The following PSD3 variants were observed in gnomAD, a reference collection of about 807,000 sequenced individuals.
PSD3 encodes pleckstrin and Sec7 domain containing 3, also known as PH and SEC7 domain-containing protein 3.
PSD3 carries 49 observed loss-of-function variants against 105.5 expected under a neutral mutation model. The observed-to-expected ratio is 0.46, with a 90% CI of 0.37 to 0.59. PSD3 has a LOEUF of 0.59. PSD3 is among the 20% of genes least tolerant of loss of function. The pLI is 0.00. For missense variants in PSD3, 1,561 were observed against 1,263.8 expected, an observed-to-expected ratio of 1.24 and a Z score of -3.57; for synonymous variants, 557 against 457.8, an observed-to-expected ratio of 1.22 and a Z score of -2.77.
intron 1 of PSD3, among the ~76,000 whole-genome samples, chr8:19,010,975 A>C (rs1826924394): frequency 6.6e-6 from 1 of 151,414 alleles, no homozygotes; most frequent in African/African-American, 2.4e-5. Context: ...CTAGATCCCC[A>C]GCCTCCTATA....
At chr8:18,770,935 G>T (rs548122394) in intron 8 of PSD3, among the ~76,000 whole-genome samples, 1 of 152,186 alleles carries the variant, frequency 6.6e-6, no homozygotes, top group Admixed American at 6.5e-5. Context: ...TTTTATTGCC[G>T]ATGGAAGTGG....
intron 10 of PSD3, among the ~76,000 whole-genome samples, chr8:18,640,073 T>C (rs1328024323): frequency 6.6e-6 from 1 of 152,128 alleles, no homozygotes; most frequent in African/African-American, 2.4e-5. Context: ...CCATTCACTT[T>C]CAAAAAACAG....
At chr8:18,754,450 A>T (rs1436796852) in intron 9 of PSD3, among the ~76,000 whole-genome samples, 1 of 152,194 alleles carries the variant, frequency 6.6e-6, no homozygotes, top group Non-Finnish European at 1.5e-5. Context: ...GTGTTCTATT[A>T]AATTCATCTT....
At chr8:18,605,770 C>T (rs1301917623) in intron 11 of PSD3, among the ~76,000 whole-genome samples, 4 of 152,134 alleles carry the variant, frequency 2.6e-5, no homozygotes, top group Non-Finnish European at 5.9e-5. Context: ...CTCCTTGGTG[C>T]TGTTCTCATG....
rs116526707 is a variant in PSD3 at position 18,596,178 on chromosome 8, A to T, written c.2481+4186T>A. On this transcript the variant is annotated intron_variant, in intron 12 of 15. Coordinates refer to ENST00000327040, the MANE Select transcript of PSD3 (RefSeq NM_015310.4). ...TCAATGGGTCAAAAAAAAATCAAAA[A>T]GGAAATTGGACAATAATTTGAGACC... 4.2e-3 allele frequency among the ~76,000 whole-genome samples: 644 copies of T among 152,204 alleles called. 6 individuals are homozygous for T. Among genetic ancestry groups the T allele is most frequent in the African/African-American group, 0.015 (612 of 41,566 alleles).
At chr8:18,596,034 G>C (rs1260461562) in intron 12 of PSD3, among the ~76,000 whole-genome samples, 1 of 151,880 alleles carries the variant, frequency 6.6e-6, no homozygotes, top group African/African-American at 2.4e-5. Context: ...AATTTAAGAA[G>C]ACTGAAATAA....
chr8:18,782,808 G>T (rs1191972498), intron 8 of PSD3, among the ~76,000 whole-genome samples: 1 of 152,182 alleles, frequency 6.6e-6, no homozygotes, highest in Non-Finnish European at 1.5e-5. Flanking sequence ...GGTACAAAGG[G>T]CCTAGTGGCC....
At position 18,981,236 on chromosome 8, in the gene PSD3, A is replaced by G. The variant is rs139292015; in HGVS notation, c.21+32327T>C. Among the ~76,000 whole-genome samples, 16 of 152,332 alleles carry G rather than the reference A, an allele frequency of 1.1e-4. No individual in the cohort carries two copies. The East Asian group carries it at 2.5e-3, about 24-fold the overall frequency. On this transcript the variant is annotated intron_variant, in intron 1 of 15. Transcript: ENST00000327040. The stretch of plus-strand genomic sequence containing the variant: ...TGTTGAATGAACAGATGAATGAAAT[A>G]TAGTGGTTTCAAGACATGTAAAAAT...
At chr8:18,853,781 G>A (rs897741215) in intron 4 of PSD3, among the ~76,000 whole-genome samples, 4 of 152,142 alleles carry the variant, frequency 2.6e-5, no homozygotes, top group Non-Finnish European at 4.4e-5. Flanking sequence ...GTTTCACAAA[G>A]GGTAGCTGGA....
At chr8:18,874,308 C>G (rs1817591500) in intron 2 of PSD3, among the ~76,000 whole-genome samples, 1 of 151,748 alleles carries the variant, frequency 6.6e-6, no homozygotes, top group Admixed American at 6.6e-5. Context: ...ACTACAGGTG[C>G]GTGCCACCAT....
intron 9 of PSD3, among the ~76,000 whole-genome samples, chr8:18,666,563 AAACT>A (rs1319368011): frequency 2.0e-5 from 3 of 152,364 alleles, no homozygotes; most frequent in South Asian, 2.1e-4. Flanking sequence ...ATCAAAAAAC[AAACT>A]AAGAGTTACA....
At chr8:18,669,821 C>CAGTAA (rs1799678700) in intron 9 of PSD3, among the ~76,000 whole-genome samples, 1 of 152,278 alleles carries the variant, frequency 6.6e-6, no homozygotes, top group South Asian at 2.1e-4. Context: ...AGTATTAATA[C>CAGTAA]AGTAAAGTAT....
Position 18,547,930 on chromosome 8 carries a change from T to C in PSD3, c.2928+8279A>G, listed in dbSNP as rs74527065. ...CTCTTGCCCTTATTACAGTCTATGA[T>C]GCAGCAATTGGCTCTGTTGATGGTG... On this transcript the variant is annotated intron_variant, in intron 15 of 15. Transcript: ENST00000327040. Among the ~76,000 whole-genome samples the C allele has an allele frequency of 6.7e-3, 1,023 of 152,316 alleles. 12 individuals carry two copies. The highest frequency in any genetic ancestry group is 0.014 in the Middle Eastern group (4 of 294).
chr8:18,676,362 A>C (rs1296364886), intron 9 of PSD3, among the ~76,000 whole-genome samples: 4 of 152,170 alleles, frequency 2.6e-5, no homozygotes, highest in Non-Finnish European at 4.4e-5. Context: ...CAGGAGTGGG[A>C]CGCGGCTTCT....
At chr8:18,992,129 A>C (rs1825839428) in intron 1 of PSD3, among the ~76,000 whole-genome samples, 1 of 152,158 alleles carries the variant, frequency 6.6e-6, no homozygotes, top group African/African-American at 2.4e-5. Flanking sequence ...CCCTGTTTTT[A>C]TGAAAAAGTT....
At chr8:18,679,183 C>A (rs12682022) in intron 9 of PSD3, among the ~76,000 whole-genome samples, 2,732 of 152,276 alleles carry the variant, frequency 0.018, 88 homozygotes, top group East Asian at 0.071. Flanking sequence ...CAACAATCTG[C>A]AAGCCTGCCA....
chr8:18,892,130 A>T (rs2129459698), intron 2 of PSD3, among the ~76,000 whole-genome samples: 1 of 151,866 alleles, frequency 6.6e-6, no homozygotes, highest in Admixed American at 6.6e-5. Context: ...CAGTTGGAGA[A>T]TTTTAATCTT....
intron 1 of PSD3, among the ~76,000 whole-genome samples, chr8:18,983,131 A>G (rs948190796): frequency 2.0e-5 from 3 of 152,220 alleles, no homozygotes; most frequent in Non-Finnish European, 4.4e-5. Context: ...TTATGTTATA[A>G]AGATGGCCTC....
At chr8:18,655,201 C>T (rs1164318393) in intron 10 of PSD3, among the ~76,000 whole-genome samples, 3 of 151,196 alleles carry the variant, frequency 2.0e-5, no homozygotes, top group Non-Finnish European at 2.9e-5. Flanking sequence ...TGGTGGTGGG[C>T]GCCTGTAGTC....
Sources: gnomAD v4.1 joint callset for allele counts (sites outside exome capture counted in the v4.1 genomes callset) on GRCh38, gnomAD v4.1.1 for gene constraint, MANE v1.5 for transcripts, NCBI Gene and HGNC (gene_info 2026-07-23, HGNC 2026-07-21) for gene names.